Variants in TAFA5 observed in about 807,000 individuals in gnomAD.
TAFA5 encodes the protein TAFA chemokine like family member 5, also known as chemokine-like protein TAFA-5.
TAFA5 carries 6 observed loss-of-function variants against 15.3 expected under a neutral mutation model. The observed-to-expected ratio is 0.39, with a 90% confidence interval of 0.21 to 0.77. The LOEUF is 0.77. TAFA5 is among the 30% of genes least tolerant of loss of function. The pLI is 0.41. For synonymous variants in TAFA5, 103 were observed against 80.7 expected (o/e 1.28, Z -1.48); for missense variants, 161 against 193.1 (o/e 0.83, Z 0.98).
At chr22:48,538,217 A>T (rs1267257810) in intron 1 of TAFA5, among the ~76,000 whole-genome samples, 2 of 150,744 alleles carry the variant, frequency 1.3e-5, no homozygotes, top group African/African-American at 4.9e-5. Context: ...GCTCTACCGA[A>T]AGTCGCTGCC....
At chr22:48,594,180 C>T (rs1924676569) in intron 1 of TAFA5, among the ~76,000 whole-genome samples, 1 of 152,182 alleles carries the variant, frequency 6.6e-6, no homozygotes, top group Non-Finnish European at 1.5e-5. Context: ...AAGCAGGCGG[C>T]TGCTCTTGGC....
chr22:48,731,360 C>T (rs1020637691), intron 3 of TAFA5, among the ~76,000 whole-genome samples: 3 of 152,208 alleles, frequency 2.0e-5, no homozygotes, highest in African/African-American at 7.2e-5. Flanking sequence ...CAGCCAGGAC[C>T]ATTGATGAAG....
chr22:48,716,039 G>A (rs564735237), intron 3 of TAFA5, among the ~76,000 whole-genome samples: 9 of 152,282 alleles, frequency 5.9e-5, no homozygotes, highest in East Asian at 1.9e-4. Flanking sequence ...CAGGCTTGTC[G>A]AAGATCAGAT....
At chr22:48,625,662 C>T (rs551925578) in intron 1 of TAFA5, among the ~76,000 whole-genome samples, 4 of 152,302 alleles carry the variant, frequency 2.6e-5, no homozygotes, top group African/African-American at 4.8e-5. Context: ...ATGCTCCTAA[C>T]GCCAGATAAA....
At chr22:48,648,239 G>A (rs1485202012) in intron 2 of TAFA5, among the ~76,000 whole-genome samples, 1 of 152,122 alleles carries the variant, frequency 6.6e-6, no homozygotes, top group Non-Finnish European at 1.5e-5. Flanking sequence ...ATGGATGGCA[G>A]GCCCCTGCCA....
chr22:48,538,700 C>G (rs896526921), intron 1 of TAFA5, among the ~76,000 whole-genome samples: 2 of 152,184 alleles, frequency 1.3e-5, no homozygotes, highest in African/African-American at 2.4e-5. Flanking sequence ...CATGGTCTTG[C>G]CGTGGGAAAT....
intron 1 of TAFA5, among the ~76,000 whole-genome samples, chr22:48,510,864 G>T (rs974037766): frequency 6.6e-6 from 1 of 152,360 alleles, no homozygotes; most frequent in African/African-American, 2.4e-5. Context: ...GCATTTGATA[G>T]ACTTCCTTCC....
At position 48,706,231 on chromosome 22, in the gene TAFA5, GA is replaced by G. The variant is rs372640397; in HGVS notation, c.263-1485del. Among the ~76,000 whole-genome samples, 610 of 152,358 alleles carry G rather than the reference GA, an allele frequency of 4.0e-3. 6 individuals carry two copies. Among genetic ancestry groups the G allele is most frequent in the African/African-American group, 0.014 (583 of 41,580 alleles). ...CAAACATTGAGCCCCAGGAAGGAGG[GA>G]CCCAAAGGAAAACAGGAAGGGGCTT... On this transcript the variant is annotated intron_variant, in intron 2 of 3. Coordinates refer to ENST00000402357, the MANE Select transcript of TAFA5 (RefSeq NM_001082967.3).
intron 2 of TAFA5, among the ~76,000 whole-genome samples, chr22:48,654,317 TG>T (rs1259439702): frequency 6.6e-6 from 1 of 152,192 alleles, no homozygotes; most frequent in East Asian, 1.9e-4. Context: ...GCTGGTGTCC[TG>T]GCCCCCTCGA....
chr22:48,691,538 C>T (rs1208772637), intron 2 of TAFA5, among the ~76,000 whole-genome samples: 12 of 152,274 alleles, frequency 7.9e-5, no homozygotes, highest in South Asian at 4.1e-4. Flanking sequence ...TGCAGCCTCG[C>T]GAGGAACGCA....
intron 1 of TAFA5, among the ~76,000 whole-genome samples, chr22:48,583,597 TACAC>T (rs752130254): frequency 9.0e-3 from 52 of 5,748 alleles, no homozygotes; most frequent in Non-Finnish European, 0.015. Flanking sequence ...ACACCAAATA[TACAC>T]ACACCACACC....
chr22:48,571,578 T>TTTTG (rs1923590134), intron 1 of TAFA5, among the ~76,000 whole-genome samples: 1 of 99,732 alleles, frequency 1.0e-5, no homozygotes, highest in Non-Finnish European at 1.9e-5. Context: ...TGGCCTGTTT[T>TTTTG]TTTTTTTTTT....
chr22:48,651,367 G>C (rs1927047327), intron 2 of TAFA5, among the ~76,000 whole-genome samples: 1 of 152,260 alleles, frequency 6.6e-6, no homozygotes, highest in Non-Finnish European at 1.5e-5. Context: ...AGGCCGGGCT[G>C]ACTGCCAGGT....
At chr22:48,495,599 C>CCTG (rs1484140303) in intron 1 of TAFA5, among the ~76,000 whole-genome samples, 1 of 152,176 alleles carries the variant, frequency 6.6e-6, no homozygotes, top group Non-Finnish European at 1.5e-5. Context: ...TGCCCCTGGC[C>CCTG]CTGCACCCAG....
intron 1 of TAFA5, among the ~76,000 whole-genome samples, chr22:48,558,894 G>A (rs1923130954): frequency 6.6e-6 from 1 of 152,236 alleles, no homozygotes; most frequent in South Asian, 2.1e-4. Context: ...GCCAGGGAGT[G>A]AGAGAATAGG....
At chr22:48,553,502 C>A (rs1922927578) in intron 1 of TAFA5, among the ~76,000 whole-genome samples, 1 of 152,152 alleles carries the variant, frequency 6.6e-6, no homozygotes, top group African/African-American at 2.4e-5. Context: ...CATGGGGAGA[C>A]CTGCACCAGG....
In TAFA5 at chr22:48,746,507, A is replaced by AAG. The variant is rs570348183; in HGVS notation, c.391-3326_391-3325dup. On this transcript the variant is annotated intron_variant, in intron 3 of 3. Coordinates refer to ENST00000402357, the MANE Select transcript of TAFA5 (RefSeq NM_001082967.3). ...AGACCCCGTCTTGTTAAAGAAAAAAAAGAGAGATGCTCACGTGGTGCTGGC... is the reference window on the plus strand; with the variant it reads ...AGACCCCGTCTTGTTAAAGAAAAAAAAGAGAGAGATGCTCACGTGGTGCTGGC... Among the ~76,000 whole-genome samples the AAG allele has an allele frequency of 3.1e-3, 476 of 152,234 alleles. 1 individual carries two copies. Among genetic ancestry groups the AAG allele is most frequent in the African/African-American group, 0.011 (455 of 41,536 alleles).
intron 1 of TAFA5, among the ~76,000 whole-genome samples, chr22:48,536,538 C>T (rs958761420): frequency 2.6e-5 from 4 of 152,234 alleles, no homozygotes; most frequent in African/African-American, 9.6e-5. Flanking sequence ...CATGGCAGGG[C>T]TTGTTTTGCC....
chr22:48,603,972 G>T (rs1446863721), intron 1 of TAFA5, among the ~76,000 whole-genome samples: 2 of 152,166 alleles, frequency 1.3e-5, no homozygotes, highest in Non-Finnish European at 2.9e-5. Context: ...CTTATTATTT[G>T]GGGGACCTTG....
Sources: gnomAD v4.1 joint callset for allele counts (sites outside exome capture counted in the v4.1 genomes callset) on GRCh38, gnomAD v4.1.1 for gene constraint, MANE v1.5 for transcripts, NCBI Gene and HGNC (gene_info 2026-07-23, HGNC 2026-07-21) for gene names.